SNW1: variants seen among roughly 807,000 people sequenced by gnomAD.
SNW1 encodes the protein SNW domain containing 1.
SNW1 carries 9 observed loss-of-function variants against 75.6 expected under a neutral mutation model. The observed-to-expected ratio is 0.12, with a 90% CI of 0.07 to 0.21. The LOEUF is 0.21. Ranked by LOEUF, SNW1 falls within the 10% of genes least tolerant of loss-of-function variation. The pLI is 1.00. For synonymous variants in SNW1, 200 were observed against 219.1 expected (o/e 0.91, Z 0.77); for missense variants, 409 against 670.9 (o/e 0.61, Z 4.31).
chr14:77,729,262 C>T (rs1428333376), intron 10 of SNW1, among the ~76,000 whole-genome samples: 1 of 152,148 alleles, frequency 6.6e-6, no homozygotes, highest in African/African-American at 2.4e-5. Flanking sequence ...GTAATATTTA[C>T]TTTTATCCTG....
intron 1 of SNW1, 117 bp downstream of exon 1, chr14:77,760,997 G>A: frequency 6.2e-7 from 1 of 1,611,714 alleles, no homozygotes; most frequent in Non-Finnish European, 8.5e-7. Flanking sequence ...CCGTAGTCTT[G>A]GCCCACGTCA....
chr14:77,719,802 AAG>A (rs1383905886), intron 12 of SNW1, among the ~76,000 whole-genome samples: 1 of 149,944 alleles, frequency 6.7e-6, no homozygotes, highest in African/African-American at 2.4e-5. Context: ...AGATAATAAC[AAG>A]ACTTAGAACA....
At chr14:77,744,473 T>TAAAGA (rs1264872775) in intron 3 of SNW1, among the ~76,000 whole-genome samples, 5 of 124,642 alleles carry the variant, frequency 4.0e-5, no homozygotes, top group African/African-American at 9.1e-5. Context: ...AAAAGAAAAG[T>TAAAGA]AAAGAAAAGA....
At chr14:77,726,867 G>T (rs901545392) in intron 10 of SNW1, among the ~76,000 whole-genome samples, 2 of 152,062 alleles carry the variant, frequency 1.3e-5, no homozygotes, top group Admixed American at 6.6e-5. Context: ...TTATAAATGG[G>T]ACTGCCTTCT....
intron 1 of SNW1, among the ~76,000 whole-genome samples, chr14:77,757,208 T>C (rs369682067): frequency 6.7e-6 from 1 of 149,992 alleles, no homozygotes; most frequent in African/African-American, 2.4e-5. Context: ...GACAGCTTAG[T>C]CTTGCAGACA....
At chr14:77,759,878 G>C (rs2080872793) in intron 1 of SNW1, among the ~76,000 whole-genome samples, 1 of 151,862 alleles carries the variant, frequency 6.6e-6, no homozygotes, top group Non-Finnish European at 1.5e-5. Context: ...AGCACTTTCG[G>C]AGGCCGAGAC....
In SNW1 at chr14:77,732,217, A is replaced by G. The variant is rs60804734; in HGVS notation, c.891+268T>C. On this transcript the variant is annotated intron_variant, in intron 9 of 13. Transcript: ENST00000261531. ...AAATCAAAAATTATGAAACCTAGCA[A>G]TCTTCAAAAAATGGGATCATCCTAG... Among the ~76,000 whole-genome samples, 1,106 of 152,316 alleles carry G rather than the reference A, an allele frequency of 7.3e-3. 8 individuals are homozygous for G. Among genetic ancestry groups the G allele is most frequent in the African/African-American group, 0.026 (1,060 of 41,564 alleles).
intron 12 of SNW1, among the ~76,000 whole-genome samples, chr14:77,718,867 C>G (rs1329998541): frequency 6.6e-6 from 1 of 152,160 alleles, no homozygotes; most frequent in Non-Finnish European, 1.5e-5. Flanking sequence ...TGTGCCACCA[C>G]ACCCAGCTAA....
chr14:77,722,784 TAA>T, intron 11 of SNW1: 1 of 397,260 alleles, frequency 2.5e-6, no homozygotes, highest in Non-Finnish European at 4.8e-6. Flanking sequence ...CTTAGTGGAC[TAA>T]AACTCTGCTC....
chr14:77,752,885 A>G (rs1342048249), intron 2 of SNW1, among the ~76,000 whole-genome samples: 2 of 152,238 alleles, frequency 1.3e-5, no homozygotes, highest in Non-Finnish European at 2.9e-5. Flanking sequence ...CCAAGAGAAT[A>G]AAGCTGAGAG....
In SNW1 at chr14:77,718,779, T is replaced by C. The variant is rs558264314; in HGVS notation, c.1249-249A>G. ...CAGGCTGGAGTGCAGTGGTGTGATC[T>C]TGGCTCACTGCAGCCACCGCCTCCC... On this transcript the variant is annotated intron_variant, in intron 12 of 13. Transcript: ENST00000261531. Among the ~76,000 whole-genome samples, 5 of 152,152 alleles carry C rather than the reference T, an allele frequency of 3.3e-5. No individual in the cohort carries two copies. The East Asian group carries it at 7.7e-4, about 23-fold the overall frequency.
intron 3 of SNW1, among the ~76,000 whole-genome samples, chr14:77,741,444 A>G (rs756154696): frequency 5.3e-4 from 80 of 152,172 alleles, no homozygotes; most frequent in Non-Finnish European, 1.1e-3. Flanking sequence ...AGAAAAAACT[A>G]TCTCATGGCT....
In SNW1 at chr14:77,717,637, C is replaced by T. The variant is rs1369301086; in HGVS notation, c.*451G>A. On this transcript the variant is annotated 3_prime_UTR_variant, in exon 14 of 14. Coordinates refer to ENST00000261531, the MANE Select transcript of SNW1 (RefSeq NM_012245.3). Reference sequence around the variant, plus strand: ...TTTTTATTTGAAACAAATAGTTGCACCAAGCAAGAGGTTACTTTGCCCACT... The same window carrying T: ...TTTTTATTTGAAACAAATAGTTGCATCAAGCAAGAGGTTACTTTGCCCACT... 1 of 1,429,710 alleles carries T rather than the reference C, an allele frequency of 7.0e-7. No homozygotes were observed. The highest frequency in any genetic ancestry group is 2.3e-5 in the East Asian group (1 of 43,498). The allele number at this position is 1,429,710 out of a possible 1,614,324, so 88.6% of individuals were successfully genotyped here. A position where few individuals can be genotyped will look rare whatever the true frequency, so the allele number is the denominator to read the frequency against.
At chr14:77,732,682 C>T (rs1232652743) in intron 8 of SNW1, 81 bp from the exon 9 acceptor site, 4 of 830,852 alleles carry the variant, frequency 4.8e-6, no homozygotes, top group African/African-American at 3.4e-5. Context: ...TTATTTTTTT[C>T]GAGCTGGAGT....
At chr14:77,737,897 C>A (rs1437103441) in intron 5 of SNW1, among the ~76,000 whole-genome samples, 1 of 139,510 alleles carries the variant, frequency 7.2e-6, no homozygotes, top group Non-Finnish European at 1.5e-5. Context: ...GAGGTTGAGG[C>A]AGGAGAATCG....
chr14:77,726,946 C>T (rs1006036229), intron 10 of SNW1, among the ~76,000 whole-genome samples: 1 of 152,018 alleles, frequency 6.6e-6, no homozygotes, highest in Non-Finnish European at 1.5e-5. Context: ...GGTTTTGTAT[C>T]TTGTAATGTT....
chr14:77,748,047 T>C (rs2080778197), intron 3 of SNW1, among the ~76,000 whole-genome samples: 1 of 152,214 alleles, frequency 6.6e-6, no homozygotes, highest in Admixed American at 6.5e-5. Flanking sequence ...CGTAGGAGAC[T>C]CCATTTTGTT....
intron 11 of SNW1, chr14:77,722,501 T>C (rs1302980316): frequency 6.6e-6 from 3 of 455,780 alleles, no homozygotes; most frequent in African/African-American, 4.0e-5. Flanking sequence ...TTATTTCCTG[T>C]CTAAAGAGGC....
chr14:77,723,142 C>G lies in SNW1; in HGVS notation c.1130+39G>C, dbSNP rs757854166. ...GATTACAGGGGTGAACCACTGCGCC[C>G]GGCCACCATGATTGGTACACATCTT... On this transcript the variant is annotated intron_variant, in intron 11 of 13. Coordinates refer to ENST00000261531, the MANE Select transcript of SNW1 (RefSeq NM_012245.3). 2.6e-6 allele frequency: 4 copies of G among 1,531,514 alleles called. No homozygotes were observed. The East Asian group carries it at 9.0e-5, about 34-fold the overall frequency. 94.9% of individuals were successfully genotyped at this position (1,531,514 alleles called of 1,614,324 possible). A position where few individuals can be genotyped will look rare whatever the true frequency, so the allele number is the denominator to read the frequency against.
Sources: allele counts gnomAD v4.1 joint callset (sites outside exome capture counted in the v4.1 genomes callset), GRCh38; gene constraint gnomAD v4.1.1; transcripts MANE v1.5; gene names NCBI Gene and HGNC (gene_info 2026-07-23, HGNC 2026-07-21).